DNAJC1: variants seen among roughly 807,000 people sequenced by gnomAD.
DNAJC1 encodes DnaJ heat shock protein family (Hsp40) member C1.
A neutral mutation model predicts 76.6 loss-of-function variants in DNAJC1; 58 were observed. The ratio of observed to expected loss-of-function variants is 0.76; its 90% CI spans 0.61 to 0.94. The LOEUF (loss-of-function observed/expected upper bound fraction) is 0.94. DNAJC1 is among the 40% of genes least tolerant of loss of function. DNAJC1 has a pLI of 0.00. For missense variants in DNAJC1, 689 were observed against 677.3 expected (o/e 1.02, Z -0.19); for synonymous variants, 258 against 267.9 (o/e 0.96, Z 0.36).
Position 21,924,360 on chromosome 10 carries a change from TA to T in DNAJC1, c.372-3398del, listed in dbSNP as rs537835615. 2.6e-5 allele frequency among the ~76,000 whole-genome samples: 4 copies of T among 152,204 alleles called. No individual in the cohort carries two copies. In the South Asian group the frequency reaches 8.3e-4, roughly 32 times the overall value. The stretch of plus-strand genomic sequence containing the variant: ...GTAAATGAAACGTTATTTAGTAAAC[TA>T]AAAAACACATTCAACTTTTATAAAT... On this transcript the variant is annotated intron_variant, in intron 3 of 11. Transcript: ENST00000376980.
At chr10:21,864,662 CA>C (rs1835968357) in intron 8 of DNAJC1, among the ~76,000 whole-genome samples, 1 of 151,752 alleles carries the variant, frequency 6.6e-6, no homozygotes, top group East Asian at 1.9e-4. Context: ...TAGAAAGAAA[CA>C]GAAGAAAATC....
rs536404037 is a variant in DNAJC1 at position 21,772,261 on chromosome 10, C to G, written c.1099-5952G>C. ...ATCATAAAATGAGATGAGAAATATT[C>G]ACCCCTCTTCTTTTTTTTTTTTTTT... On this transcript the variant is annotated intron_variant, in intron 9 of 11. Transcript: ENST00000376980. Among the ~76,000 whole-genome samples the G allele has an allele frequency of 3.6e-5, 5 of 139,488 alleles. No homozygotes were observed. The East Asian group carries it at 1.1e-3, about 30-fold the overall frequency. The allele number at this position is 139,488 out of a possible 152,430, so 91.5% of individuals were successfully genotyped here.
rs190536675 is a variant in DNAJC1 at position 21,871,868 on chromosome 10, C to T, written c.978+10414G>A. Among the ~76,000 whole-genome samples, 44 of 151,826 alleles carry T rather than the reference C, an allele frequency of 2.9e-4. 1 individual carries two copies. The highest frequency in any genetic ancestry group is 1.6e-3 in the East Asian group (8 of 5,128). ...CAGGCTGGTCTGGAGCTCCTGGCCT[C>T]GAGTGATCCTCCTGCCTCAGCTTCC... On this transcript the variant is annotated intron_variant, in intron 8 of 11. Coordinates refer to ENST00000376980, the MANE Select transcript of DNAJC1 (RefSeq NM_022365.4).
chr10:21,846,937 A>G (rs1371725805), intron 8 of DNAJC1, among the ~76,000 whole-genome samples: 2 of 151,560 alleles, frequency 1.3e-5, no homozygotes. Context: ...GAGAGGTGAT[A>G]ACTAAGAATC....
At chr10:21,868,091 A>AAAAAAAAAC (rs1466243916) in intron 8 of DNAJC1, among the ~76,000 whole-genome samples, 9 of 139,096 alleles carry the variant, frequency 6.5e-5, no homozygotes, top group Admixed American at 4.3e-4. Flanking sequence ...AAAAAAAAAC[A>AAAAAAAAAC]AAAAAAAAAA....
intron 8 of DNAJC1, among the ~76,000 whole-genome samples, chr10:21,806,832 T>A (rs879661509): frequency 6.6e-6 from 1 of 152,138 alleles, no homozygotes; most frequent in Non-Finnish European, 1.5e-5. Flanking sequence ...AACTTTTAGC[T>A]TTGACTAAAT....
intron 8 of DNAJC1, among the ~76,000 whole-genome samples, chr10:21,851,130 T>C (rs1016769272): frequency 2.6e-5 from 4 of 152,130 alleles, no homozygotes; most frequent in African/African-American, 7.2e-5. Flanking sequence ...ACAACAAAAA[T>C]AGAAGTCAAT....
At chr10:21,894,359 T>C (rs1261794605) in intron 7 of DNAJC1, among the ~76,000 whole-genome samples, 1 of 152,156 alleles carries the variant, frequency 6.6e-6, no homozygotes, top group Admixed American at 6.5e-5. Flanking sequence ...TCACTTCAGG[T>C]CACGAGTTCG....
At chr10:21,927,747 T>C (rs1326335376) in intron 3 of DNAJC1, among the ~76,000 whole-genome samples, 1 of 152,130 alleles carries the variant, frequency 6.6e-6, no homozygotes, top group Non-Finnish European at 1.5e-5. Context: ...CTTAAAAAAC[T>C]TAGAAGGCTG....
intron 8 of DNAJC1, among the ~76,000 whole-genome samples, chr10:21,849,746 T>C (rs1386136104): frequency 6.6e-6 from 1 of 152,024 alleles, no homozygotes; most frequent in Non-Finnish European, 1.5e-5. Context: ...TCGAAAAGTG[T>C]ATGAAAACAA....
At chr10:21,814,639 C>T (rs1564795398) in intron 8 of DNAJC1, among the ~76,000 whole-genome samples, 1 of 152,166 alleles carries the variant, frequency 6.6e-6, no homozygotes, top group Non-Finnish European at 1.5e-5. Context: ...TTGGAAATGA[C>T]AGCAAAATGT....
At chr10:21,921,895 C>T (rs1000469173) in intron 3 of DNAJC1, among the ~76,000 whole-genome samples, 1 of 152,016 alleles carries the variant, frequency 6.6e-6, no homozygotes, top group Admixed American at 6.5e-5. Context: ...CACATACAAA[C>T]ACTGTGTGTT....
chr10:22,001,226 C>T (rs916654286), intron 1 of DNAJC1, among the ~76,000 whole-genome samples: 1 of 152,156 alleles, frequency 6.6e-6, no homozygotes, highest in Admixed American at 6.5e-5. Context: ...TTGTTCTGGT[C>T]CCTCATGTTT....
At chr10:21,806,635 A>C (rs1385650341) in intron 8 of DNAJC1, among the ~76,000 whole-genome samples, 1 of 152,148 alleles carries the variant, frequency 6.6e-6, no homozygotes, top group Non-Finnish European at 1.5e-5. Flanking sequence ...CTTTATGATC[A>C]TTCTATGTAA....
At chr10:21,794,550 T>A (rs1380460767) in intron 9 of DNAJC1, among the ~76,000 whole-genome samples, 1 of 152,064 alleles carries the variant, frequency 6.6e-6, no homozygotes, top group East Asian at 1.9e-4. Flanking sequence ...AAATCTCACA[T>A]TAAACACAAA....
chr10:21,812,303 T>C (rs1436393135), intron 8 of DNAJC1, among the ~76,000 whole-genome samples: 4 of 152,068 alleles, frequency 2.6e-5, no homozygotes, highest in Non-Finnish European at 5.9e-5. Flanking sequence ...GTGATCTGCC[T>C]GCCTCAGCCT....
intron 1 of DNAJC1, among the ~76,000 whole-genome samples, chr10:21,948,833 T>C (rs1313009855): frequency 6.6e-6 from 1 of 152,172 alleles, no homozygotes; most frequent in African/African-American, 2.4e-5. Flanking sequence ...TGGGACAAGT[T>C]AAAAGTACCT....
intron 8 of DNAJC1, among the ~76,000 whole-genome samples, chr10:21,874,748 T>G (rs1836157260): frequency 6.6e-6 from 1 of 152,246 alleles, no homozygotes; most frequent in African/African-American, 2.4e-5. Context: ...TAAAAACCAC[T>G]GAAGTGTCTG....
chr10:21,782,896 T>C (rs2131628992), intron 9 of DNAJC1, among the ~76,000 whole-genome samples: 1 of 152,300 alleles, frequency 6.6e-6, no homozygotes, highest in African/African-American at 2.4e-5. Flanking sequence ...TGATGGAACG[T>C]ATGTCAAAAT....
Sources: gnomAD v4.1 joint callset for allele counts (sites outside exome capture counted in the v4.1 genomes callset) on GRCh38, gnomAD v4.1.1 for gene constraint, MANE v1.5 for transcripts, NCBI Gene and HGNC (gene_info 2026-07-23, HGNC 2026-07-21) for gene names.